Variants in TRPM3 observed in about 807,000 individuals in gnomAD.
The protein encoded by TRPM3 is long transient receptor potential channel 3.
In TRPM3, 77 loss-of-function variants were observed where a neutral mutation model predicts 181.2. The ratio of observed to expected loss-of-function variants is 0.42; its 90% CI spans 0.35 to 0.51. TRPM3 has a LOEUF of 0.51. Ranked by LOEUF, TRPM3 falls within the 20% of genes least tolerant of loss-of-function variation. The probability of loss-of-function intolerance (pLI) is 0.01; values close to 1 mark genes in which losing one functional copy is unlikely to be tolerated. For missense variants in TRPM3, 1,759 were observed against 2,196.7 expected, an observed-to-expected ratio of 0.80 and a Z score of 3.98; for synonymous variants, 745 against 796.4, an observed-to-expected ratio of 0.94 and a Z score of 1.09.
At chr9:70,901,982 A>G (rs1393547996) in intron 1 of TRPM3, among the ~76,000 whole-genome samples, 1 of 152,208 alleles carries the variant, frequency 6.6e-6, no homozygotes, top group African/African-American at 2.4e-5. Context: ...AAGATAACAC[A>G]GGCAGACAGC....
chr9:71,160,198 C>T (rs2076211658), intron 1 of TRPM3, among the ~76,000 whole-genome samples: 2 of 152,050 alleles, frequency 1.3e-5, no homozygotes, highest in South Asian at 2.1e-4. Flanking sequence ...TTCTGTCATC[C>T]CTTTCAAATC....
intron 1 of TRPM3, among the ~76,000 whole-genome samples, chr9:71,235,135 G>A (rs566282848): frequency 2.6e-5 from 4 of 152,322 alleles, no homozygotes; most frequent in East Asian, 1.9e-4. Flanking sequence ...CAGGCTTGGC[G>A]CCCTGCAGGG....
In TRPM3 at chr9:70,950,837, C is replaced by G. The variant is rs549744961; in HGVS notation, c.178-86326G>C. ...GTTTTTCAATTATTTAGGTTTCAAG[C>G]TTTCCTGATCTCTTACAGGAAAATT... On this transcript the variant is annotated intron_variant, in intron 1 of 25. Transcript: ENST00000677713. 4.6e-5 allele frequency among the ~76,000 whole-genome samples: 7 copies of G among 152,194 alleles called. No individual in the cohort carries two copies. The South Asian group carries it at 1.5e-3, about 32-fold the overall frequency.
intron 1 of TRPM3, among the ~76,000 whole-genome samples, chr9:71,083,078 T>G (rs2064650482): frequency 6.6e-6 from 1 of 152,044 alleles, no homozygotes. Flanking sequence ...TGATAGGTAA[T>G]GCATTTCACA....
intron 1 of TRPM3, among the ~76,000 whole-genome samples, chr9:71,364,506 A>G (rs1227796409): frequency 6.6e-6 from 1 of 152,240 alleles, no homozygotes; most frequent in African/African-American, 2.4e-5. Flanking sequence ...AAAGAAGGTC[A>G]GCTAATTTGT....
intron 22 of TRPM3, among the ~76,000 whole-genome samples, chr9:70,566,279 C>T (rs1411852687): frequency 6.6e-6 from 1 of 152,000 alleles, no homozygotes; most frequent in African/African-American, 2.4e-5. Context: ...AACAAAGACT[C>T]CAACCTCAGA....
chr9:71,383,177 C>A lies in TRPM3; in HGVS notation c.183+63476G>T, dbSNP rs146688477. Among the ~76,000 whole-genome samples, 21 of 152,200 alleles carry A rather than the reference C, an allele frequency of 1.4e-4. 1 individual carries two copies. In the East Asian group the frequency reaches 4.1e-3, roughly 29 times the overall value. ...CCAGCATTTTATATCACTGTTAGCT[C>A]CAACTGATACATACACATATATGCA... is the stretch of plus-strand genomic sequence containing the variant. On this transcript the variant is annotated intron_variant, in intron 1 of 24. Coordinates refer to the TRPM3 transcript ENST00000357533.
intron 7 of TRPM3, among the ~76,000 whole-genome samples, chr9:70,773,688 T>C (rs973962014): frequency 6.6e-6 from 1 of 152,168 alleles, no homozygotes; most frequent in African/African-American, 2.4e-5. Context: ...TCAGTCCAGA[T>C]CCAAGCAGTA....
At chr9:70,559,671 G>A (rs1564324060) in intron 22 of TRPM3, among the ~76,000 whole-genome samples, 1 of 152,264 alleles carries the variant, frequency 6.6e-6, no homozygotes, top group East Asian at 1.9e-4. Context: ...TGAAATTGAC[G>A]CAAGAGAAGG....
chr9:71,406,579 A>G (rs1229472933), intron 1 of TRPM3, among the ~76,000 whole-genome samples: 1 of 152,204 alleles, frequency 6.6e-6, no homozygotes, highest in Non-Finnish European at 1.5e-5. Flanking sequence ...TAAATAGAGA[A>G]AATAGAAATT....
chr9:70,602,262 A>G (rs1019142364), intron 20 of TRPM3, among the ~76,000 whole-genome samples: 2 of 152,196 alleles, frequency 1.3e-5, no homozygotes, highest in African/African-American at 4.8e-5. Flanking sequence ...GACATTTTTT[A>G]TGATCCCAAT....
intron 25 of TRPM3, among the ~76,000 whole-genome samples, chr9:70,549,304 C>A (rs947202410): frequency 1.3e-5 from 2 of 152,220 alleles, no homozygotes; most frequent in African/African-American, 4.8e-5. Flanking sequence ...TCAAAATTCT[C>A]TTCTGTCTGG....
At chr9:71,152,626 CT>C (rs2075791572) in intron 1 of TRPM3, among the ~76,000 whole-genome samples, 1 of 152,110 alleles carries the variant, frequency 6.6e-6, no homozygotes, top group Non-Finnish European at 1.5e-5. Flanking sequence ...ATAATCACCA[CT>C]GGTGCTTCCT....
intron 8 of TRPM3, among the ~76,000 whole-genome samples, chr9:70,690,386 C>T (rs948839887): frequency 5.3e-5 from 8 of 152,094 alleles, no homozygotes; most frequent in Non-Finnish European, 1.0e-4. Flanking sequence ...GGTACATCTT[C>T]GGCTTTCATA....
At chr9:71,424,199 T>C (rs1358400473) in intron 1 of TRPM3, among the ~76,000 whole-genome samples, 1 of 152,202 alleles carries the variant, frequency 6.6e-6, no homozygotes, top group Non-Finnish European at 1.5e-5. Flanking sequence ...CTTCACTTCA[T>C]TGTATCCAAA....
chr9:71,425,174 C>G (rs765319943), intron 1 of TRPM3, among the ~76,000 whole-genome samples: 24 of 152,042 alleles, frequency 1.6e-4, no homozygotes, highest in Non-Finnish European at 3.2e-4. Context: ...TCCTAGACCC[C>G]CTTATTTTCT....
intron 24 of TRPM3, among the ~76,000 whole-genome samples, chr9:70,552,493 C>G: frequency 6.6e-6 from 1 of 152,102 alleles, no homozygotes; most frequent in Non-Finnish European, 1.5e-5. Flanking sequence ...TATAATGTAG[C>G]CTTGGGTGGC....
intron 1 of TRPM3, among the ~76,000 whole-genome samples, chr9:71,429,777 C>T (rs113347313): frequency 2.0e-5 from 3 of 152,290 alleles, no homozygotes; most frequent in African/African-American, 7.2e-5. Context: ...GGTTTGGAGT[C>T]AGACCTGGGT....
chr9:71,002,196 G>C (rs1364945055), intron 1 of TRPM3, among the ~76,000 whole-genome samples: 1 of 152,036 alleles, frequency 6.6e-6, no homozygotes, highest in African/African-American at 2.4e-5. Flanking sequence ...CAATCCATCC[G>C]TTCGCCTAGT....
Sources: gnomAD v4.1 joint callset for allele counts (sites outside exome capture counted in the v4.1 genomes callset) on GRCh38, gnomAD v4.1.1 for gene constraint, MANE v1.5 for transcripts, NCBI Gene and HGNC (gene_info 2026-07-23, HGNC 2026-07-21) for gene names.